The following STXBP5L variants were observed in gnomAD, a reference collection of about 807,000 sequenced individuals.
STXBP5L encodes syntaxin-binding protein 5-like.
Under a neutral mutation model 144.5 loss-of-function variants are expected in STXBP5L, and 65 were observed. That is an observed-to-expected ratio of 0.45 (90% CI 0.37 to 0.55). The LOEUF is 0.55. STXBP5L is among the 20% of genes least tolerant of loss of function. STXBP5L has a pLI of 0.00. For synonymous variants in STXBP5L, 505 were observed against 469.6 expected (o/e 1.08, Z -0.97); for missense variants, 1,298 against 1,405.5 (o/e 0.92, Z 1.22).
chr3:121,410,328 A>G (rs1012555653), intron 23 of STXBP5L, among the ~76,000 whole-genome samples: 17 of 152,144 alleles, frequency 1.1e-4, no homozygotes, highest in African/African-American at 4.1e-4. Context: ...ATATTGTGTC[A>G]TAGTAGAAAT....
intron 7 of STXBP5L, among the ~76,000 whole-genome samples, chr3:121,146,416 A>G (rs1004167060): frequency 1.3e-5 from 2 of 152,034 alleles, no homozygotes; most frequent in African/African-American, 4.8e-5. Flanking sequence ...AGAAAAAACT[A>G]CTAACCAACT....
intron 11 of STXBP5L, among the ~76,000 whole-genome samples, chr3:121,228,480 G>A (rs2049193056): frequency 6.6e-6 from 1 of 152,226 alleles, no homozygotes; most frequent in Non-Finnish European, 1.5e-5. Context: ...TTCTCAGGAA[G>A]AAATGTGACA....
chr3:121,234,189 T>C (rs1342274893), intron 12 of STXBP5L, among the ~76,000 whole-genome samples: 2 of 152,158 alleles, frequency 1.3e-5, no homozygotes, highest in Non-Finnish European at 2.9e-5. Flanking sequence ...TCCACTCCTT[T>C]ACATTGTCAG....
At chr3:121,244,042 G>T (rs1277374447) in intron 14 of STXBP5L, among the ~76,000 whole-genome samples, 1 of 151,958 alleles carries the variant, frequency 6.6e-6, no homozygotes, top group Non-Finnish European at 1.5e-5. Flanking sequence ...GAAGCAAACT[G>T]TACTTTTTAT....
intron 2 of STXBP5L, among the ~76,000 whole-genome samples, chr3:120,917,480 T>C (rs1458549840): frequency 1.3e-5 from 2 of 152,006 alleles, no homozygotes; most frequent in African/African-American, 4.8e-5. Context: ...AGAAAAGCAA[T>C]TGAGGCTACC....
At chr3:121,199,131 CGTTT>C (rs749508273) in intron 9 of STXBP5L, among the ~76,000 whole-genome samples, 1 of 152,024 alleles carries the variant, frequency 6.6e-6, no homozygotes, top group South Asian at 2.1e-4. Context: ...AATTTTTTTC[CGTTT>C]GTTTGTGTGC....
chr3:121,185,184 A>G (rs1364350127), intron 9 of STXBP5L, among the ~76,000 whole-genome samples: 1 of 152,180 alleles, frequency 6.6e-6, no homozygotes. Context: ...AGATTCTACA[A>G]TTGTAGATAT....
At position 121,052,571 on chromosome 3, in the gene STXBP5L, A is replaced by T. The variant is rs185359201; in HGVS notation, c.470+7036A>T. On this transcript the variant is annotated intron_variant, in intron 5 of 26. Coordinates refer to ENST00000471454, the MANE Select transcript of STXBP5L (RefSeq NM_001308330.2). ...CCCTTCATGCTAAAAACTCTCAACA[A>T]ATTAGGTATTGATGGGACATATCTC... Among the ~76,000 whole-genome samples the T allele has an allele frequency of 6.0e-3, 918 of 152,338 alleles. 4 individuals are homozygous for T. The highest frequency in any genetic ancestry group is 0.024 in the Middle Eastern group (7 of 294).
intron 9 of STXBP5L, among the ~76,000 whole-genome samples, chr3:121,177,672 G>A (rs904237300): frequency 6.6e-6 from 1 of 152,176 alleles, no homozygotes; most frequent in Admixed American, 6.5e-5. Context: ...TTTGTGCACT[G>A]TTGGTGCAAA....
chr3:121,090,099 T>A (rs1171232412), intron 5 of STXBP5L, among the ~76,000 whole-genome samples: 1 of 152,192 alleles, frequency 6.6e-6, no homozygotes, highest in Non-Finnish European at 1.5e-5. Flanking sequence ...ATTGAGGTTT[T>A]TCTATTTCCT....
At chr3:120,973,149 AG>A (rs1940477208) in intron 3 of STXBP5L, among the ~76,000 whole-genome samples, 1 of 152,072 alleles carries the variant, frequency 6.6e-6, no homozygotes, top group African/African-American at 2.4e-5. Context: ...AACCACCATA[AG>A]TTCTTTTTTG....
rs1250205167 is a variant in STXBP5L, at chr3:121,402,793, T to A, written c.2588-4450T>A. ...TCCTGGACAACAATTGCATATTTTC[T>A]TGTTTATCCTTTTGGTTGTGTGTGT... On this transcript the variant is annotated intron_variant, in intron 22 of 26. Coordinates refer to ENST00000471454, the MANE Select transcript of STXBP5L (RefSeq NM_001308330.2). Among the ~76,000 whole-genome samples, 4 of 152,106 alleles carry A rather than the reference T, an allele frequency of 2.6e-5. No homozygotes were observed. The East Asian group carries it at 7.7e-4, about 29-fold the overall frequency.
At chr3:120,988,471 T>C (rs1942514800) in intron 3 of STXBP5L, among the ~76,000 whole-genome samples, 1 of 152,062 alleles carries the variant, frequency 6.6e-6, no homozygotes, top group South Asian at 2.1e-4. Context: ...ACACTCTGCT[T>C]CACCTCAATT....
chr3:121,327,725 C>A (rs972595479), intron 20 of STXBP5L, among the ~76,000 whole-genome samples: 1 of 152,014 alleles, frequency 6.6e-6, no homozygotes, highest in African/African-American at 2.4e-5. Context: ...GATTTTCTTT[C>A]TTTTGTTTTT....
intron 3 of STXBP5L, among the ~76,000 whole-genome samples, chr3:121,034,038 G>A (rs1228716059): frequency 2.6e-5 from 4 of 151,996 alleles, no homozygotes; most frequent in Non-Finnish European, 5.9e-5. Flanking sequence ...CTAAGCTTTG[G>A]ATATTATTTT....
Position 121,276,231 on chromosome 3 carries a change from A to T in STXBP5L, c.1959-3574A>T, listed in dbSNP as rs1023396881. On this transcript the variant is annotated intron_variant, in intron 18 of 26. Coordinates refer to ENST00000471454, the MANE Select transcript of STXBP5L (RefSeq NM_001308330.2). ...TATCTTTGAATTATCAAATAAGTAG[A>T]TAAATAAATGGAATGATACCACTTT... 1.3e-4 allele frequency among the ~76,000 whole-genome samples: 20 copies of T among 151,980 alleles called. 1 individual carries two copies. The highest frequency in any genetic ancestry group is 1.5e-5 in the Non-Finnish European group (1 of 67,904).
intron 9 of STXBP5L, among the ~76,000 whole-genome samples, chr3:121,161,439 T>C (rs1370206740): frequency 1.3e-5 from 2 of 152,120 alleles, no homozygotes; most frequent in Non-Finnish European, 1.5e-5. Flanking sequence ...GTCACTTTTC[T>C]CCAATTGCTT....
intron 3 of STXBP5L, among the ~76,000 whole-genome samples, chr3:120,975,529 C>G (rs529655018): frequency 3.9e-5 from 6 of 152,188 alleles, no homozygotes; most frequent in African/African-American, 1.4e-4. Context: ...ATTGAATACC[C>G]TTTATTTCCT....
At chr3:121,408,913 G>A (rs908020531) in intron 23 of STXBP5L, among the ~76,000 whole-genome samples, 3 of 151,894 alleles carry the variant, frequency 2.0e-5, no homozygotes, top group African/African-American at 7.2e-5. Context: ...AAATTTTTTT[G>A]AACTTAGATA....
Sources: allele counts gnomAD v4.1 joint callset (sites outside exome capture counted in the v4.1 genomes callset), GRCh38; gene constraint gnomAD v4.1.1; transcripts MANE v1.5; gene names NCBI Gene and HGNC (gene_info 2026-07-23, HGNC 2026-07-21).